AIG1: variants seen among roughly 807,000 people sequenced by gnomAD.
AIG1 encodes androgen-induced gene 1 protein.
A neutral mutation model predicts 31.4 loss-of-function variants in AIG1; 23 were observed. The observed-to-expected ratio is 0.73, with a 90% CI of 0.53 to 1.04. AIG1 has a LOEUF of 1.04. Ranked by LOEUF, AIG1 falls within the 50% of genes least tolerant of loss-of-function variation. The pLI is 0.00. For synonymous variants in AIG1, 100 were observed against 110.5 expected, an observed-to-expected ratio of 0.90 and a Z score of 0.60; for missense variants, 274 against 295.0, an observed-to-expected ratio of 0.93 and a Z score of 0.52.
At position 143,258,916 on chromosome 6, in the gene AIG1, T is replaced by C. The variant is rs1795548203; in HGVS notation, c.400-25194T>C. ...AGCAGTCAGACTCTTTTTAACAATCTGCTCTCATGGGAACCACATCCAAAC... is the reference window on the plus strand; with the variant it reads ...AGCAGTCAGACTCTTTTTAACAATCCGCTCTCATGGGAACCACATCCAAAC... On this transcript the variant is annotated intron_variant, in intron 3 of 5. Transcript: ENST00000357847. This position sits in a 1 kb window ranked among gnomAD's most constrained non-coding sequence, Gnocchi z 4.7. Among the ~76,000 whole-genome samples the C allele has an allele frequency of 6.6e-6, 1 of 152,178 alleles. No homozygotes were observed. Among genetic ancestry groups the C allele is most frequent in the Admixed American group, 6.5e-5 (1 of 15,276 alleles).
At chr6:143,110,797 CAG>C (rs2128490684) in intron 1 of AIG1, among the ~76,000 whole-genome samples, 1 of 152,222 alleles carries the variant, frequency 6.6e-6, no homozygotes, top group Admixed American at 6.5e-5. Flanking sequence ...GGAAGAATGA[CAG>C]AGTATATCGA....
intron 3 of AIG1, among the ~76,000 whole-genome samples, chr6:143,224,537 G>A (rs972044876): frequency 5.3e-5 from 8 of 152,184 alleles, no homozygotes; most frequent in African/African-American, 1.4e-4. Flanking sequence ...GTTGTGTAAT[G>A]TATTATCCAA....
At chr6:143,245,248 G>A (rs573152182) in intron 3 of AIG1, among the ~76,000 whole-genome samples, 1 of 152,254 alleles carries the variant, frequency 6.6e-6, no homozygotes, top group African/African-American at 2.4e-5. Context: ...ACCATTCAAG[G>A]TAGATGGAAG....
chr6:143,136,429 T>C (rs1013449741), intron 1 of AIG1, among the ~76,000 whole-genome samples: 2 of 152,226 alleles, frequency 1.3e-5, no homozygotes, highest in African/African-American at 4.8e-5. Context: ...TCTTAGATAT[T>C]TGTTAAAACT....
intron 3 of AIG1, among the ~76,000 whole-genome samples, chr6:143,244,670 A>T (rs1230678929): frequency 6.6e-6 from 1 of 152,244 alleles, no homozygotes; most frequent in Non-Finnish European, 1.5e-5. Flanking sequence ...TGTGAGCATC[A>T]AGGTATAGTC....
intron 2 of AIG1, among the ~76,000 whole-genome samples, chr6:143,156,142 T>C (rs997024012): frequency 6.6e-6 from 1 of 152,200 alleles, no homozygotes; most frequent in African/African-American, 2.4e-5. Flanking sequence ...GGTGCAAACG[T>C]AATTGTGCTT....
rs370621723 is a variant in AIG1 at position 143,132,622 on chromosome 6, G to A, written c.142-4213G>A. ...GGGTTTATAGTTTTCAGAAAACTTC[G>A]AAAAACTTCAGCCATTATTTCTTCA... On this transcript the variant is annotated intron_variant, in intron 1 of 5. Coordinates refer to ENST00000357847, the MANE Select transcript of AIG1 (RefSeq NM_016108.4). Among the ~76,000 whole-genome samples, 8 of 151,592 alleles carry A rather than the reference G, an allele frequency of 5.3e-5. No individual in the cohort carries two copies. The East Asian group carries it at 5.8e-4, about 11-fold the overall frequency.
intron 1 of AIG1, among the ~76,000 whole-genome samples, chr6:143,092,495 G>A (rs1779396526): frequency 6.6e-6 from 1 of 152,110 alleles, no homozygotes; most frequent in Non-Finnish European, 1.5e-5. Flanking sequence ...TGTTGTGTCA[G>A]AAGGCATGAA....
At chr6:143,314,336 A>G (rs1418204886) in intron 4 of AIG1, among the ~76,000 whole-genome samples, 1 of 152,040 alleles carries the variant, frequency 6.6e-6, no homozygotes, top group Non-Finnish European at 1.5e-5. Flanking sequence ...CCTGGGTGAC[A>G]GAGTGAGATC....
chr6:143,191,017 C>T (rs560667825), intron 3 of AIG1, among the ~76,000 whole-genome samples: 9 of 152,082 alleles, frequency 5.9e-5, no homozygotes, highest in Admixed American at 3.3e-4. Context: ...CTCCCTTACA[C>T]GTTTGAAGAT....
chr6:143,306,054 C>G (rs989209776), intron 4 of AIG1, among the ~76,000 whole-genome samples: 2 of 147,398 alleles, frequency 1.4e-5, no homozygotes, highest in Admixed American at 1.4e-4. Flanking sequence ...CAACCCCTGC[C>G]TTTTTTTGTT....
intron 1 of AIG1, among the ~76,000 whole-genome samples, chr6:143,111,234 T>C (rs1330514778): frequency 1.3e-5 from 2 of 152,188 alleles, no homozygotes; most frequent in Non-Finnish European, 2.9e-5. Context: ...TCAGCTCCAA[T>C]TCACTTCTCA....
At chr6:143,127,839 C>T (rs930035541) in intron 1 of AIG1, among the ~76,000 whole-genome samples, 1 of 152,032 alleles carries the variant, frequency 6.6e-6, no homozygotes, top group African/African-American at 2.4e-5. Context: ...AGGCATGCAC[C>T]ACCACGCCCA....
chr6:143,148,875 A>G (rs534281838), intron 2 of AIG1, among the ~76,000 whole-genome samples: 10 of 152,036 alleles, frequency 6.6e-5, no homozygotes, highest in African/African-American at 2.2e-4. Flanking sequence ...TGCCTTTACT[A>G]TGTTTAGGTG....
At position 143,298,284 on chromosome 6, in the gene AIG1, A is replaced by G. The variant is rs1225524243; in HGVS notation, c.515+14059A>G. 3.9e-5 allele frequency among the ~76,000 whole-genome samples: 6 copies of G among 152,212 alleles called. No homozygotes were observed. The highest frequency in any genetic ancestry group is 8.8e-5 in the Non-Finnish European group (6 of 68,028). ...GCTTGAAAGAAATTGTCAGTCAGCC[A>G]AAGACCCATCACATCAGGCCAAGTG... On this transcript the variant is annotated intron_variant, in intron 4 of 5. Coordinates refer to ENST00000357847, the MANE Select transcript of AIG1 (RefSeq NM_016108.4). This position sits in a 1 kb window ranked among gnomAD's most constrained non-coding sequence, Gnocchi z 5.1.
intron 3 of AIG1, among the ~76,000 whole-genome samples, chr6:143,191,416 G>T (rs746978788): frequency 6.6e-6 from 1 of 151,916 alleles, no homozygotes; most frequent in Non-Finnish European, 1.5e-5. Context: ...AGTTTTTTCT[G>T]GGTTATATGA....
intron 1 of AIG1, among the ~76,000 whole-genome samples, chr6:143,074,064 T>G (rs1360740445): frequency 2.9e-4 from 44 of 152,362 alleles, no homozygotes; most frequent in Non-Finnish European, 4.4e-5. Context: ...TCTATTCAAG[T>G]CTTTTGCCTG....
At chr6:143,214,695 A>G (rs914956422) in intron 3 of AIG1, among the ~76,000 whole-genome samples, 3 of 151,972 alleles carry the variant, frequency 2.0e-5, no homozygotes, top group Non-Finnish European at 4.4e-5. Context: ...TCTGGATGAA[A>G]CCCAACATCT....
intron 5 of AIG1, among the ~76,000 whole-genome samples, chr6:143,336,722 C>G (rs1439122430): frequency 1.3e-5 from 2 of 152,178 alleles, no homozygotes; most frequent in African/African-American, 4.8e-5. Flanking sequence ...CAGACATCAA[C>G]TCTCAAGTCC....
Sources: gnomAD v4.1 joint callset for allele counts (sites outside exome capture counted in the v4.1 genomes callset) on GRCh38, gnomAD v4.1.1 for gene constraint, Gnocchi (gnomAD v3.1) non-coding constraint, MANE v1.5 for transcripts, NCBI Gene and HGNC (gene_info 2026-07-23, HGNC 2026-07-21) for gene names.